CORO1C: variants seen among roughly 807,000 people sequenced by gnomAD.
The protein encoded by CORO1C is coronin 1C.
In CORO1C, 14 loss-of-function variants were observed where a neutral mutation model predicts 51.2. That is an observed-to-expected ratio of 0.27 (90% confidence interval 0.18 to 0.43). The LOEUF (loss-of-function observed/expected upper bound fraction) is 0.43, where lower values mean the gene tolerates loss of function less well. Ranked by LOEUF, CORO1C falls within the 20% of genes least tolerant of loss-of-function variation. CORO1C has a pLI of 1.00. For synonymous variants in CORO1C, 181 were observed against 210.5 expected (o/e 0.86, Z 1.21); for missense variants, 417 against 607.8 (o/e 0.69, Z 3.30).
At position 108,731,048 on chromosome 12, in the gene CORO1C, C is replaced by T. The variant is rs1190210953; in HGVS notation, c.-6+381G>A. On this transcript the variant is annotated intron_variant, in intron 1 of 10. Coordinates refer to ENST00000261401, the MANE Select transcript of CORO1C (RefSeq NM_014325.4). The surrounding 1 kb of genome is among the most constrained non-coding windows in gnomAD (Gnocchi z 5.2). ...CAGCCCTTCCCTCCCAGCACCTCGC[C>T]CAAGCAGGCGATCCCTGACCCCTAA... The T allele has an allele frequency of 6.5e-6, 1 of 153,374 alleles. No individual in the cohort carries two copies. The highest frequency in any genetic ancestry group is 2.4e-5 in the African/African-American group (1 of 41,452). The allele number at this position is 153,374 out of a possible 1,614,324, so 9.5% of individuals were successfully genotyped here.
intron 8 of CORO1C, among the ~76,000 whole-genome samples, chr12:108,651,552 A>C (rs1447671920): frequency 1.3e-5 from 2 of 152,106 alleles, no homozygotes; most frequent in South Asian, 2.1e-4. Context: ...CCCCAAATAC[A>C]GTTTTGACTC....
chr12:108,708,180 T>C (rs922271714), intron 1 of CORO1C, among the ~76,000 whole-genome samples: 3 of 152,124 alleles, frequency 2.0e-5, no homozygotes, highest in African/African-American at 7.2e-5. Context: ...TGTACATGAG[T>C]CTTCATGGAA....
chr12:108,657,810 G>C (rs1052127325), intron 5 of CORO1C, among the ~76,000 whole-genome samples: 15 of 152,372 alleles, frequency 9.8e-5, no homozygotes, highest in African/African-American at 3.4e-4. Context: ...TCATAGGGCA[G>C]AAAGAAGCCT....
intron 8 of CORO1C, chr12:108,649,688 G>C (rs2032552024): frequency 6.6e-6 from 1 of 152,498 alleles, no homozygotes; most frequent in Non-Finnish European, 1.5e-5. Context: ...GAACTAAACA[G>C]ACCAGAAATG....
chr12:108,677,130 G>A (rs2033935827), intron 3 of CORO1C, among the ~76,000 whole-genome samples: 5 of 152,186 alleles, frequency 3.3e-5, no homozygotes, highest in Admixed American at 1.3e-4. Context: ...ATGCTGACAC[G>A]TGCGAGACTA....
At chr12:108,648,897 G>A in intron 9 of CORO1C, 47 bp from the exon 10 acceptor site, 1 of 1,612,068 alleles carries the variant, frequency 6.2e-7, no homozygotes, top group Non-Finnish European at 8.5e-7. Context: ...AGAAAGGCCT[G>A]GGATTTTTGA....
chr12:108,701,309 C>T lies in CORO1C; in HGVS notation c.10G>A (p.Val4Met). Residue 4 changes from valine to methionine, a missense_variant, in exon 2 of 11, where the codon GTG becomes ATG. Coordinates refer to ENST00000261401, the MANE Select transcript of CORO1C (RefSeq NM_014325.4). ...TGCCGAAACTTGCTCTGTCGTACCA[C>T]TCGCCTCATCGTGTCTGCAAAGGAA... MRR[V>M]VRQSKFRHVF... 1 of 1,614,134 alleles carries T rather than the reference C, an allele frequency of 6.2e-7. No individual in the cohort carries two copies. The highest frequency in any genetic ancestry group is 8.5e-7 in the Non-Finnish European group (1 of 1,180,016).
At chr12:108,664,496 C>T (rs907519277) in intron 3 of CORO1C, among the ~76,000 whole-genome samples, 1 of 152,180 alleles carries the variant, frequency 6.6e-6, no homozygotes, top group African/African-American at 2.4e-5. Flanking sequence ...CTAAATATAA[C>T]CCCTTATGCA....
At chr12:108,704,309 T>C (rs997571064) in intron 1 of CORO1C, among the ~76,000 whole-genome samples, 7 of 151,890 alleles carry the variant, frequency 4.6e-5, no homozygotes, top group African/African-American at 1.7e-4. Flanking sequence ...CCATCTCTAC[T>C]AAAAATACAA....
rs200803526 is a variant in CORO1C, at chr12:108,662,138, A to C, written c.339T>G (p.Asn113Lys). ...CTVMVWQIPE[N>K]GLTLSLTEPV... ...GTTCAGTCAGGGAAAGGGTGAGTCC[A>C]TTTTCTGGGATCTGCCATACCTGTT... Residue 113 changes from asparagine (N) to lysine (K), a missense_variant, in exon 4 of 11, where the codon AAT (asparagine) becomes AAG (lysine). By Grantham distance (94) the Asn-to-Lys change is moderately conservative (BLOSUM62 0). Coordinates refer to ENST00000261401, the MANE Select transcript of CORO1C (RefSeq NM_014325.4). 8 of 1,613,694 alleles carry C rather than the reference A, an allele frequency of 5.0e-6. No individual in the cohort carries two copies. In the East Asian group the frequency reaches 1.8e-4, roughly 36 times the overall value.
intron 1 of CORO1C, among the ~76,000 whole-genome samples, chr12:108,729,733 T>C (rs1380684842): frequency 6.6e-6 from 1 of 152,230 alleles, no homozygotes; most frequent in African/African-American, 2.4e-5. Flanking sequence ...CTGAAATGTA[T>C]AGAACCAAGT....
chr12:108,694,090 T>C (rs1484987276), intron 2 of CORO1C, among the ~76,000 whole-genome samples: 2 of 152,042 alleles, frequency 1.3e-5, no homozygotes, highest in East Asian at 3.9e-4. Flanking sequence ...GAGACCAGCC[T>C]GGCCAACACA....
intron 1 of CORO1C, among the ~76,000 whole-genome samples, chr12:108,717,697 T>C (rs2035372608): frequency 6.6e-6 from 1 of 152,182 alleles, no homozygotes. Flanking sequence ...TTCTCTTTGG[T>C]GTGGAGACTT....
intron 3 of CORO1C, among the ~76,000 whole-genome samples, chr12:108,676,542 C>CG (rs943779586): frequency 5.9e-5 from 9 of 151,774 alleles, no homozygotes; most frequent in Admixed American, 3.3e-4. Context: ...GAGGCTGAGG[C>CG]GGGGGGATCA....
chr12:108,695,187 T>C (rs1475486666), intron 2 of CORO1C, among the ~76,000 whole-genome samples: 1 of 152,196 alleles, frequency 6.6e-6, no homozygotes, highest in African/African-American at 2.4e-5. Context: ...CAGGAGGTCC[T>C]ATGGACCTTG....
chr12:108,655,537 G>A (rs1358764850), intron 6 of CORO1C, among the ~76,000 whole-genome samples: 4 of 152,190 alleles, frequency 2.6e-5, no homozygotes, highest in African/African-American at 7.2e-5. Context: ...GCACCGCCAC[G>A]CCTGACTGGT....
At chr12:108,665,611 C>T (rs1184758677) in intron 3 of CORO1C, among the ~76,000 whole-genome samples, 1 of 152,198 alleles carries the variant, frequency 6.6e-6, no homozygotes, top group Non-Finnish European at 1.5e-5. Context: ...TCAAATCCTG[C>T]CTGGGCCACT....
At chr12:108,648,872 C>A (rs777587143) in intron 9 of CORO1C, 22 bp from the exon 10 acceptor site, 2 of 1,613,800 alleles carry the variant, frequency 1.2e-6, no homozygotes, top group Admixed American at 3.3e-5. Context: ...ATTTGGCACC[C>A]GTGGGTAAGG....
At chr12:108,659,691 T>C (rs1224654804) in intron 4 of CORO1C, among the ~76,000 whole-genome samples, 2 of 152,184 alleles carry the variant, frequency 1.3e-5, no homozygotes, top group Non-Finnish European at 2.9e-5. Flanking sequence ...AAACTCTGGG[T>C]GGCAGGTTAT....
Sources: gnomAD v4.1 joint callset for allele counts (sites outside exome capture counted in the v4.1 genomes callset) on GRCh38, gnomAD v4.1.1 for gene constraint, Gnocchi (gnomAD v3.1) non-coding constraint, MANE v1.5 for transcripts, NCBI Gene and HGNC (gene_info 2026-07-23, HGNC 2026-07-21) for gene names.